ADGRB3: variants seen among roughly 807,000 people sequenced by gnomAD.
ADGRB3 encodes adhesion G protein-coupled receptor B3, also known as brain-specific angiogenesis inhibitor 3.
ADGRB3 carries 37 observed loss-of-function variants against 193.4 expected under a neutral mutation model. That is an observed-to-expected ratio of 0.19 (90% CI 0.15 to 0.25). The LOEUF (loss-of-function observed/expected upper bound fraction) is 0.25. Among genes scored for constraint, ADGRB3 ranks in the 10% least tolerant of loss-of-function variants. The pLI, the probability that ADGRB3 is intolerant of heterozygous loss-of-function variation, is 1.00. For missense variants in ADGRB3, 1,637 were observed against 1,852.9 expected (o/e 0.88, Z 2.14); for synonymous variants, 690 against 644.2 (o/e 1.07, Z -1.08).
At chr6:69,128,129 C>A (rs9454704) in intron 17 of ADGRB3, among the ~76,000 whole-genome samples, 33,049 of 151,970 alleles carry the variant, frequency 0.22, 3,859 homozygotes, top group Middle Eastern at 0.25. Flanking sequence ...ACCCAATCTG[C>A]GAAAGGTGCC....
chr6:69,335,714 G>A (rs966842158), intron 24 of ADGRB3, among the ~76,000 whole-genome samples: 1 of 151,996 alleles, frequency 6.6e-6, no homozygotes, highest in African/African-American at 2.4e-5. Context: ...CATTAAGCAG[G>A]AAACTAATTG....
chr6:69,153,683 T>A (rs1276286045), intron 17 of ADGRB3, among the ~76,000 whole-genome samples: 1 of 152,182 alleles, frequency 6.6e-6, no homozygotes, highest in African/African-American at 2.4e-5. Flanking sequence ...TAAAAAAGTT[T>A]CATATTAATA....
At chr6:69,242,589 C>A (rs921829525) in intron 20 of ADGRB3, among the ~76,000 whole-genome samples, 2 of 151,872 alleles carry the variant, frequency 1.3e-5, no homozygotes, top group African/African-American at 4.8e-5. Context: ...AGTATCTCTG[C>A]TTCTTTTTGA....
chr6:69,077,604 A>G (rs1158401849), intron 17 of ADGRB3, among the ~76,000 whole-genome samples: 1 of 151,986 alleles, frequency 6.6e-6, no homozygotes, highest in Non-Finnish European at 1.5e-5. Context: ...CATAGACAGT[A>G]TAAGGTGTTA....
chr6:69,146,956 G>A (rs1407020145), intron 17 of ADGRB3, among the ~76,000 whole-genome samples: 1 of 150,816 alleles, frequency 6.6e-6, no homozygotes, highest in African/African-American at 2.4e-5. Context: ...GTTGCCGACA[G>A]TAGCCTGTAA....
Position 69,235,151 on chromosome 6 carries a change from A to G in ADGRB3, c.2711+16A>G, listed in dbSNP as rs1332020575. On this transcript the variant is annotated intron_variant, in intron 19 of 31. Transcript: ENST00000370598. ...CATTATGGAGGTAAGTAATCAATTG[A>G]TAGACCTGAAATGCAATGCTTAGTT... 53 of 1,537,818 alleles carry G rather than the reference A, an allele frequency of 3.4e-5. No homozygotes were observed. Among genetic ancestry groups the G allele is most frequent in the Non-Finnish European group, 4.5e-5 (50 of 1,113,580 alleles).
chr6:69,018,551 A>C, intron 13 of ADGRB3, 52 bp downstream of exon 13: 7 of 1,190,654 alleles, frequency 5.9e-6, no homozygotes, highest in South Asian at 1.3e-5. Context: ...AAAAAATTGC[A>C]AGTATCTACA....
At chr6:69,126,882 T>G (rs1245516995) in intron 17 of ADGRB3, among the ~76,000 whole-genome samples, 1 of 152,212 alleles carries the variant, frequency 6.6e-6, no homozygotes, top group Non-Finnish European at 1.5e-5. Flanking sequence ...GTTAACTCAT[T>G]AGCTCCTAAA....
chr6:69,092,557 A>C lies in ADGRB3; in HGVS notation c.2480+16519A>C, dbSNP rs180935572. On this transcript the variant is annotated intron_variant, in intron 17 of 31. Transcript: ENST00000370598. ...TTTTTTGATAATAATTGTAAGCAAC[A>C]TGTGTGAAAAAGATTTTGTGTGCAA... Among the ~76,000 whole-genome samples the C allele has an allele frequency of 1.8e-3, 269 of 152,308 alleles. 2 individuals are homozygous for C. Among genetic ancestry groups the C allele is most frequent in the Non-Finnish European group, 9.1e-4 (62 of 68,032 alleles).
At chr6:68,849,820 T>A (rs1768360899) in intron 3 of ADGRB3, among the ~76,000 whole-genome samples, 1 of 151,934 alleles carries the variant, frequency 6.6e-6, no homozygotes. Flanking sequence ...TATAGAAGTT[T>A]TTTTCAATCA....
intron 11 of ADGRB3, among the ~76,000 whole-genome samples, chr6:68,998,318 G>A (rs1308140653): frequency 2.0e-5 from 3 of 152,188 alleles, no homozygotes; most frequent in African/African-American, 4.8e-5. Flanking sequence ...AAAAGAAGAA[G>A]CAACATCTAT....
At chr6:68,973,547 T>C (rs922421810) in intron 8 of ADGRB3, among the ~76,000 whole-genome samples, 14 of 152,224 alleles carry the variant, frequency 9.2e-5, no homozygotes, top group African/African-American at 2.7e-4. Flanking sequence ...AGGAAGATGT[T>C]TCTCCCAAGA....
intron 3 of ADGRB3, among the ~76,000 whole-genome samples, chr6:68,733,303 C>G (rs1408026168): frequency 6.7e-6 from 1 of 149,350 alleles, no homozygotes; most frequent in Non-Finnish European, 1.5e-5. Flanking sequence ...TATAGGAATA[C>G]TATGCAGTCA....
chr6:69,031,688 G>A (rs984320437), intron 13 of ADGRB3, among the ~76,000 whole-genome samples: 2 of 149,696 alleles, frequency 1.3e-5, no homozygotes, highest in Admixed American at 1.3e-4. Context: ...AGGCTGGAGT[G>A]CAGTGGCATG....
At chr6:69,064,861 A>C (rs1378380166) in intron 16 of ADGRB3, among the ~76,000 whole-genome samples, 1 of 152,110 alleles carries the variant, frequency 6.6e-6, no homozygotes. Flanking sequence ...TAGTCTCACT[A>C]TTTGAGTATA....
rs901371331 is a variant in ADGRB3 at position 69,315,900 on chromosome 6, A to G, written c.2815-8972A>G. 5.9e-5 allele frequency among the ~76,000 whole-genome samples: 9 copies of G among 151,470 alleles called. No individual in the cohort carries two copies. In the Admixed American group the frequency reaches 5.9e-4, roughly 10 times the overall value. ...AATAATTATTGATTTCTTCATAAAT[A>G]CTGTAATTACAGTGTGCAAATATTG... On this transcript the variant is annotated intron_variant, in intron 20 of 31. Coordinates refer to ENST00000370598, the MANE Select transcript of ADGRB3 (RefSeq NM_001704.3).
At chr6:69,102,177 CAAA>C (rs777752874) in intron 17 of ADGRB3, among the ~76,000 whole-genome samples, 1 of 91,104 alleles carries the variant, frequency 1.1e-5, no homozygotes. Flanking sequence ...GACTCCGTCT[CAAA>C]AAAAAAAAAA....
intron 17 of ADGRB3, among the ~76,000 whole-genome samples, chr6:69,191,731 C>G (rs1030197106): frequency 6.6e-6 from 1 of 152,042 alleles, no homozygotes; most frequent in African/African-American, 2.4e-5. Flanking sequence ...GCTGAAAATA[C>G]AGCTGTAAAT....
chr6:69,230,848 C>A (rs1338582033), intron 17 of ADGRB3, among the ~76,000 whole-genome samples: 1 of 152,106 alleles, frequency 6.6e-6, no homozygotes, highest in Non-Finnish European at 1.5e-5. Flanking sequence ...TATATATCTT[C>A]TTTTAAATTT....
Sources: allele counts gnomAD v4.1 joint callset (sites outside exome capture counted in the v4.1 genomes callset), GRCh38; gene constraint gnomAD v4.1.1; transcripts MANE v1.5; gene names NCBI Gene and HGNC (gene_info 2026-07-23, HGNC 2026-07-21).